The following CDKAL1 variants were observed in gnomAD, a reference collection of about 807,000 sequenced individuals.
The protein encoded by CDKAL1 is threonylcarbamoyladenosine tRNA methylthiotransferase.
CDKAL1 carries 32 observed loss-of-function variants against 68.2 expected under a neutral mutation model. The observed-to-expected ratio is 0.47, with a 90% CI of 0.35 to 0.63. CDKAL1 has a LOEUF of 0.63. CDKAL1 is among the 30% of genes least tolerant of loss of function. The pLI is 0.00. For missense variants in CDKAL1, 606 were observed against 696.7 expected, an observed-to-expected ratio of 0.87 and a Z score of 1.47; for synonymous variants, 234 against 244.3, an observed-to-expected ratio of 0.96 and a Z score of 0.39.
chr6:20,995,635 A>G (rs1767062394), intron 10 of CDKAL1, among the ~76,000 whole-genome samples: 1 of 152,200 alleles, frequency 6.6e-6, no homozygotes, highest in Non-Finnish European at 1.5e-5. Flanking sequence ...CATGCTGTCA[A>G]CACATGTGCT....
At chr6:20,601,718 G>T (rs74960785) in intron 4 of CDKAL1, among the ~76,000 whole-genome samples, 3,451 of 152,238 alleles carry the variant, frequency 0.023, 52 homozygotes, top group South Asian at 0.046. Flanking sequence ...GATGAGAAAA[G>T]AATTTGCAAT....
intron 5 of CDKAL1, among the ~76,000 whole-genome samples, chr6:20,663,179 G>C (rs1053172466): frequency 6.6e-6 from 1 of 152,072 alleles, no homozygotes; most frequent in Non-Finnish European, 1.5e-5. Context: ...CTCATTGTGT[G>C]GAGTCATATC....
chr6:21,095,695 C>G (rs1199783490), intron 12 of CDKAL1, among the ~76,000 whole-genome samples: 1 of 151,960 alleles, frequency 6.6e-6, no homozygotes, highest in Non-Finnish European at 1.5e-5. Context: ...TGTAGTATCC[C>G]TTGCTCTACA....
At chr6:20,743,058 A>G (rs1773525014) in intron 6 of CDKAL1, among the ~76,000 whole-genome samples, 1 of 152,186 alleles carries the variant, frequency 6.6e-6, no homozygotes, top group Non-Finnish European at 1.5e-5. Context: ...GTTACAGTGA[A>G]ATAAAGAAAT....
intron 5 of CDKAL1, among the ~76,000 whole-genome samples, chr6:20,729,864 T>C (rs1772828026): frequency 1.3e-5 from 2 of 152,212 alleles, no homozygotes; most frequent in African/African-American, 4.8e-5. Flanking sequence ...GGTTGTACTT[T>C]TAGTTCTCTC....
At chr6:20,914,162 C>A (rs1248096082) in intron 9 of CDKAL1, among the ~76,000 whole-genome samples, 6 of 151,550 alleles carry the variant, frequency 4.0e-5, no homozygotes, top group Non-Finnish European at 8.8e-5. Flanking sequence ...TGGTGGCAGG[C>A]GCCTGTAGTC....
chr6:21,039,099 G>T (rs905609249), intron 11 of CDKAL1, among the ~76,000 whole-genome samples: 1 of 152,124 alleles, frequency 6.6e-6, no homozygotes, highest in Non-Finnish European at 1.5e-5. Flanking sequence ...GTTAGGATCC[G>T]GGCCACTCAG....
intron 4 of CDKAL1, among the ~76,000 whole-genome samples, chr6:20,602,234 T>C (rs1168441676): frequency 6.6e-6 from 1 of 152,168 alleles, no homozygotes; most frequent in Non-Finnish European, 1.5e-5. Flanking sequence ...TCCTACCATA[T>C]CCCATTCTGC....
intron 13 of CDKAL1, among the ~76,000 whole-genome samples, chr6:21,185,215 A>G (rs1455684604): frequency 6.8e-6 from 1 of 146,222 alleles, no homozygotes; most frequent in Non-Finnish European, 1.5e-5. Flanking sequence ...GTTTGGCAGG[A>G]GAGGCCATTA....
At chr6:21,228,422 C>T (rs1265523427) in intron 15 of CDKAL1, among the ~76,000 whole-genome samples, 1 of 152,164 alleles carries the variant, frequency 6.6e-6, no homozygotes, top group Non-Finnish European at 1.5e-5. Context: ...AGAAATTAAT[C>T]AACCTCTTAA....
intron 9 of CDKAL1, among the ~76,000 whole-genome samples, chr6:20,894,016 G>A (rs1352235949): frequency 6.6e-6 from 1 of 152,138 alleles, no homozygotes; most frequent in Non-Finnish European, 1.5e-5. Flanking sequence ...ACATAGAAAA[G>A]AAATATGTTT....
At chr6:21,158,291 A>G (rs1273006286) in intron 13 of CDKAL1, among the ~76,000 whole-genome samples, 2 of 152,236 alleles carry the variant, frequency 1.3e-5, no homozygotes, top group Non-Finnish European at 2.9e-5. Context: ...AGCTGAGTTC[A>G]GCATCTGGAG....
At chr6:20,710,075 C>T (rs1465289189) in intron 5 of CDKAL1, among the ~76,000 whole-genome samples, 1 of 152,118 alleles carries the variant, frequency 6.6e-6, no homozygotes, top group East Asian at 1.9e-4. Flanking sequence ...TGTTGATTTC[C>T]TGAGCTTCAA....
chr6:20,555,341 G>C (rs1177333615), intron 4 of CDKAL1, among the ~76,000 whole-genome samples: 1 of 152,020 alleles, frequency 6.6e-6, no homozygotes, highest in African/African-American at 2.4e-5. Context: ...TATTTTCCGA[G>C]ATGGAGTCTT....
At chr6:20,720,576 G>A (rs892284080) in intron 5 of CDKAL1, among the ~76,000 whole-genome samples, 8 of 151,346 alleles carry the variant, frequency 5.3e-5, no homozygotes, top group Non-Finnish European at 1.0e-4. Context: ...GTGTGATCTC[G>A]GCTCACGGCA....
intron 9 of CDKAL1, among the ~76,000 whole-genome samples, chr6:20,872,787 A>G (rs1228241755): frequency 2.6e-5 from 4 of 152,238 alleles, no homozygotes; most frequent in African/African-American, 9.6e-5. Flanking sequence ...GACTGTTAAA[A>G]TGTTCCAGGT....
At chr6:21,122,803 GTTTT>G (rs66935416) in intron 13 of CDKAL1, among the ~76,000 whole-genome samples, 4 of 105,804 alleles carry the variant, frequency 3.8e-5, no homozygotes, top group Non-Finnish European at 3.8e-5. Flanking sequence ...CCCCAGTTAG[GTTTT>G]TTTTTTTTTT....
At chr6:20,749,097 T>G (rs763981980) in intron 6 of CDKAL1, among the ~76,000 whole-genome samples, 2 of 152,178 alleles carry the variant, frequency 1.3e-5, no homozygotes, top group African/African-American at 2.4e-5. Context: ...GCCAGATTCA[T>G]GCAGTCTTAA....
At chr6:20,811,750 C>G (rs534581822) in intron 8 of CDKAL1, among the ~76,000 whole-genome samples, 20 of 149,328 alleles carry the variant, frequency 1.3e-4, no homozygotes, top group African/African-American at 4.0e-4. Context: ...CTTGATCCAG[C>G]CTTTGTAAGA....
Sources: gnomAD v4.1 joint callset for allele counts (sites outside exome capture counted in the v4.1 genomes callset) on GRCh38, gnomAD v4.1.1 for gene constraint, MANE v1.5 for transcripts, NCBI Gene and HGNC (gene_info 2026-07-23, HGNC 2026-07-21) for gene names.